ACSM3: variants seen among roughly 807,000 people sequenced by gnomAD.
The protein encoded by ACSM3 is acyl-coenzyme A synthetase ACSM3, mitochondrial.
In ACSM3, 61 loss-of-function variants were observed where a neutral mutation model predicts 74.1. The ratio of observed to expected loss-of-function variants is 0.82; its 90% CI spans 0.67 to 1.02. ACSM3 has a LOEUF of 1.02. ACSM3 is among the 50% of genes least tolerant of loss of function. ACSM3 has a pLI of 0.00. For synonymous variants in ACSM3, 213 were observed against 241.5 expected (o/e 0.88, Z 1.09); for missense variants, 660 against 697.0 (o/e 0.95, Z 0.60).
intron 1 of ACSM3, among the ~76,000 whole-genome samples, chr16:20,691,422 C>A (rs545426036): frequency 2.0e-5 from 3 of 152,186 alleles, no homozygotes; most frequent in African/African-American, 7.2e-5. Flanking sequence ...TGGCAGAAAA[C>A]GCTGGGGAGG....
chr16:20,790,525 A>T lies in ACSM3; in HGVS notation c.1225-62A>T. 1 of 1,459,708 alleles carries T rather than the reference A, an allele frequency of 6.9e-7. No individual in the cohort carries two copies. Among genetic ancestry groups the T allele is most frequent in the Non-Finnish European group, 9.5e-7 (1 of 1,057,802 alleles). The allele number at this position is 1,459,708 out of a possible 1,614,324, so 90.4% of individuals were successfully genotyped here. A position where few individuals can be genotyped will look rare whatever the true frequency, so the allele number is the denominator to read the frequency against. The stretch of plus-strand genomic sequence containing the variant: ...AAGCCAAAATAAAACTTGCAAAGTT[A>T]ATATTTAAGCTGCGACATTAAACAA... On this transcript the variant is annotated intron_variant, in intron 9 of 13. Transcript: ENST00000289416. The surrounding 1 kb of genome is among the most constrained non-coding windows in gnomAD (Gnocchi z 4.0).
upstream of ACSM3, among the ~76,000 whole-genome samples, chr16:20,760,639 G>C (rs1426330122): frequency 6.6e-6 from 1 of 151,936 alleles, no homozygotes; most frequent in Non-Finnish European, 1.5e-5. Context: ...GTGGAGTTGG[G>C]GAATATAGAT....
intron 1 of ACSM3, among the ~76,000 whole-genome samples, chr16:20,740,163 T>C (rs2079904565): frequency 6.6e-6 from 1 of 152,076 alleles, no homozygotes; most frequent in African/African-American, 2.4e-5. Flanking sequence ...GGGGCAGAGG[T>C]GGGCGGATCC....
intron 1 of ACSM3, chr16:20,735,922 G>T (rs2152415135): frequency 6.6e-6 from 1 of 152,054 alleles, no homozygotes; most frequent in Admixed American, 6.5e-5. Flanking sequence ...CACCAACCAT[G>T]CATATTTTCC....
chr16:20,781,824 AG>A, intron 7 of ACSM3, 37 bp downstream of exon 7: 1 of 1,440,482 alleles, frequency 6.9e-7, no homozygotes, highest in Non-Finnish European at 9.8e-7. Flanking sequence ...TAGTGGGGAG[AG>A]GGGAGAAGAG....
chr16:20,728,615 A>T (rs553095491), intron 1 of ACSM3: 1 of 413,314 alleles, frequency 2.4e-6, no homozygotes, highest in South Asian at 2.9e-5. Context: ...TAAAATGCAG[A>T]GACTATCACC....
At chr16:20,762,896 A>G (rs2080089017), upstream of ACSM3, among the ~76,000 whole-genome samples, 2 of 152,358 alleles carry the variant, frequency 1.3e-5, no homozygotes, top group South Asian at 2.1e-4. Flanking sequence ...CTCTTATTCA[A>G]CGTAGAGCTA....
At chr16:20,770,320 C>T in intron 2 of ACSM3, 67 bp downstream of exon 2, 1 of 1,336,618 alleles carries the variant, frequency 7.5e-7, no homozygotes, top group Non-Finnish European at 1.1e-6. Context: ...TAGGTAACAT[C>T]TCTAATGTCT....
intron 1 of ACSM3, chr16:20,749,841 C>T (rs1459554679): frequency 6.6e-6 from 1 of 152,260 alleles, no homozygotes; most frequent in Non-Finnish European, 1.5e-5. Context: ...ACAATGGAGG[C>T]TCCAGAGTGT....
chr16:20,732,453 GAATA>G (rs896907470), intron 1 of ACSM3, among the ~76,000 whole-genome samples: 2 of 152,112 alleles, frequency 1.3e-5, no homozygotes, highest in African/African-American at 4.8e-5. Flanking sequence ...TGACAGAAGA[GAATA>G]AAAAGAGGAT....
At position 20,748,184 on chromosome 16, in the gene ACSM3, CAA is replaced by C. The variant is rs553855025; in HGVS notation, c.-189-1724_-189-1723del. Among the ~76,000 whole-genome samples the C allele has an allele frequency of 1.7e-4, 26 of 151,468 alleles. No individual in the cohort carries two copies. In the South Asian group the frequency reaches 5.4e-3, roughly 32 times the overall value. ...ATAGATAGATAAATAAATAAATAAACAAAGAGTCTAGGGTAACTGGAGTTTAG... is the reference window on the plus strand; with the variant it reads ...ATAGATAGATAAATAAATAAATAAACAGAGTCTAGGGTAACTGGAGTTTAG... On this transcript the variant is annotated intron_variant, in intron 1 of 3. Transcript: ENST00000561584.
intron 2 of ACSM3, among the ~76,000 whole-genome samples, chr16:20,775,350 G>A (rs2080242964): frequency 6.6e-6 from 1 of 152,136 alleles, no homozygotes; most frequent in South Asian, 2.1e-4. Flanking sequence ...ATACTATACA[G>A]CGTTTACTAG....
chr16:20,690,120 G>A (rs1165621120), intron 1 of ACSM3, among the ~76,000 whole-genome samples: 2 of 152,210 alleles, frequency 1.3e-5, no homozygotes, highest in Non-Finnish European at 2.9e-5. Context: ...GTGGTGGGGA[G>A]GAAGATGCCA....
chr16:20,773,723 C>T (rs556593529), intron 2 of ACSM3, among the ~76,000 whole-genome samples: 1 of 152,236 alleles, frequency 6.6e-6, no homozygotes, highest in African/African-American at 2.4e-5. Context: ...TAAGAACATA[C>T]CTGGTATGAT....
intron 1 of ACSM3, chr16:20,681,958 C>T (rs553433417): frequency 3.5e-5 from 9 of 253,690 alleles, no homozygotes; most frequent in Admixed American, 3.4e-4. Context: ...AGTTGTAAAA[C>T]ATGTTTTTCC....
intron 1 of ACSM3, among the ~76,000 whole-genome samples, chr16:20,678,425 C>T (rs2079357975): frequency 6.6e-6 from 1 of 152,198 alleles, no homozygotes; most frequent in African/African-American, 2.4e-5. Flanking sequence ...ATGACAAGGG[C>T]TTACTCCACC....
intron 1 of ACSM3, among the ~76,000 whole-genome samples, chr16:20,717,232 A>G (rs191624520): frequency 1.1e-4 from 17 of 152,294 alleles, no homozygotes; most frequent in Admixed American, 4.6e-4. Context: ...CTCTTTTCAG[A>G]ACAAAGAAAT....
Position 20,780,771 on chromosome 16 carries a change from A to AT in ACSM3, c.698dup (p.Phe234LeufsTer54), listed in dbSNP as rs748461710. 3.7e-6 allele frequency: 6 copies of AT among 1,614,192 alleles called. No individual in the cohort carries two copies. In the African/African-American group the frequency reaches 8.0e-5, roughly 22 times the overall value. ...CAAAACACAATGAGATCATGGCCAT[A>AT]TTCTTTACCAGTGGAACAAGTGGAT... is the stretch of plus-strand genomic sequence containing the variant. On this transcript the variant is annotated frameshift_variant, in exon 5 of 14. Transcript: ENST00000289416. LOFTEE classifies it high-confidence loss of function.
At chr16:20,728,778 CT>C (rs1329851185) in intron 1 of ACSM3, among the ~76,000 whole-genome samples, 1 of 152,076 alleles carries the variant, frequency 6.6e-6, no homozygotes, top group Admixed American at 6.6e-5. Context: ...TATTTGGGAC[CT>C]TTTATATCTT....
Sources: allele counts gnomAD v4.1 joint callset (sites outside exome capture counted in the v4.1 genomes callset), GRCh38; gene constraint gnomAD v4.1.1; non-coding constraint Gnocchi (gnomAD v3.1); transcripts MANE v1.5; gene names NCBI Gene and HGNC (gene_info 2026-07-23, HGNC 2026-07-21).